The following TMC3 variants were observed in gnomAD, a reference collection of about 807,000 sequenced individuals.
The protein encoded by TMC3 is transmembrane channel like 3, also known as transmembrane channel-like protein 3.
In TMC3, 98 loss-of-function variants were observed where a neutral mutation model predicts 110.6. The observed-to-expected ratio is 0.89, with a 90% confidence interval of 0.75 to 1.05. TMC3 has a LOEUF of 1.05. Among genes scored for constraint, TMC3 ranks in the 50% least tolerant of loss-of-function variants. The pLI, the probability that TMC3 is intolerant of heterozygous loss-of-function variation, is 0.00. For synonymous variants in TMC3, 489 were observed against 513.1 expected (o/e 0.95, Z 0.63); for missense variants, 1,319 against 1,373.2 (o/e 0.96, Z 0.62).
Position 81,332,359 on chromosome 15 carries a change from T to C in TMC3, c.*60A>G. 1.3e-6 allele frequency: 2 copies of C among 1,513,934 alleles called. No individual in the cohort carries two copies. The highest frequency in any genetic ancestry group is 1.8e-6 in the Non-Finnish European group (2 of 1,130,274). The allele number at this position is 1,513,934 out of a possible 1,614,324, so 93.8% of individuals were successfully genotyped here. On this transcript the variant is annotated 3_prime_UTR_variant, in exon 22 of 22. Transcript: ENST00000359440. Reference sequence around the variant, plus strand: ...TCTTTTTCCAGAAAGGGAGATGCCATGTGCTGGCCCAGCACTCCAACAGGG... The same window carrying C: ...TCTTTTTCCAGAAAGGGAGATGCCACGTGCTGGCCCAGCACTCCAACAGGG...
Position 81,338,729 on chromosome 15 carries a change from A to G in TMC3, c.2007T>C (p.Phe669=), listed in dbSNP as rs1278683370. 2 of 1,614,000 alleles carry G rather than the reference A, an allele frequency of 1.2e-6. No homozygotes were observed. The highest frequency in any genetic ancestry group is 2.2e-5 in the East Asian group (1 of 44,888). Residue 669 remains phenylalanine, a synonymous_variant, in exon 18 of 22, where the codon TTT becomes TTC. Coordinates refer to ENST00000359440, the MANE Select transcript of TMC3 (RefSeq NM_001080532.3). Reference sequence around the variant, plus strand: ...CAACCACGGAGCCAAACCACACAGGAAAGTCTTTCTCAATCGTTTCTGACA... The same window carrying G: ...CAACCACGGAGCCAAACCACACAGGGAAGTCTTTCTCAATCGTTTCTGACA... ...DIVSETIEKD[F]PVWFGSVVGH...
intron 2 of TMC3, among the ~76,000 whole-genome samples, chr15:81,371,066 G>A (rs1056757512): frequency 1.3e-5 from 2 of 152,110 alleles, no homozygotes; most frequent in Non-Finnish European, 2.9e-5. Flanking sequence ...ACTGTACTTG[G>A]AATCAGAAAT....
intron 3 of TMC3, among the ~76,000 whole-genome samples, chr15:81,367,738 A>G (rs1330317610): frequency 6.6e-6 from 1 of 152,124 alleles, no homozygotes; most frequent in African/African-American, 2.4e-5. Context: ...GTTTCACACA[A>G]TTGGGAAGGG....
intron 15 of TMC3, 165 bp downstream of exon 15, chr15:81,343,113 A>G: frequency 2.1e-6 from 1 of 487,268 alleles, no homozygotes. Context: ...AATTCTTAGG[A>G]AACCATTAAT....
intron 16 of TMC3, among the ~76,000 whole-genome samples, chr15:81,340,143 AG>A: frequency 6.6e-6 from 1 of 152,324 alleles, no homozygotes; most frequent in South Asian, 2.1e-4. Flanking sequence ...TACACAGTTC[AG>A]AAAAGAGAAT....
chr15:81,343,391 T>G, intron 14 of TMC3, 46 bp from the exon 15 acceptor site: 2 of 1,340,968 alleles, frequency 1.5e-6, no homozygotes, highest in Non-Finnish European at 2.1e-6. Flanking sequence ...TCCAAAGTTC[T>G]TTGCATGAAC....
At chr15:81,353,098 A>G (rs2141710693) in intron 9 of TMC3, among the ~76,000 whole-genome samples, 1 of 152,328 alleles carries the variant, frequency 6.6e-6, no homozygotes, top group Admixed American at 6.5e-5. Context: ...CTGGGATTAC[A>G]GGTGTGTGCC....
At chr15:81,371,562 A>G (rs748772385) in intron 2 of TMC3, among the ~76,000 whole-genome samples, 3 of 152,176 alleles carry the variant, frequency 2.0e-5, no homozygotes, top group African/African-American at 4.8e-5. Context: ...CAGTAGCTCA[A>G]TGGTACAGGC....
chr15:81,340,562 G>A (rs1893693396), intron 16 of TMC3, among the ~76,000 whole-genome samples: 1 of 152,298 alleles, frequency 6.6e-6, no homozygotes, highest in African/African-American at 2.4e-5. Flanking sequence ...TTTAGAATGT[G>A]TTATGAATTC....
At position 81,343,287 on chromosome 15, in the gene TMC3, C is replaced by T. The variant is rs200789267; in HGVS notation, c.1706G>A (p.Gly569Glu). 1.9e-4 allele frequency: 298 copies of T among 1,604,516 alleles called. No homozygotes were observed. The highest frequency in any genetic ancestry group is 3.5e-4 in the Admixed American group (21 of 60,002). The change falls in exon 15 of 22, where the codon GGA (glycine) becomes GAA (glutamate). Residue 569 changes from glycine to glutamate, a missense_variant. Gly to Glu is a moderately conservative substitution (Grantham distance 98). Transcript: ENST00000359440. ...AAACTTTGATACCTACCAAATCATT[C>T]CTTGGTTGTAGACTAAATGTAGCAC... ...ENVLHLVYNQ[G>E]MIWMGAFFSP...
Position 81,344,866 on chromosome 15 carries a change from G to A in TMC3, c.1418C>T (p.Thr473Ile), listed in dbSNP as rs199835792. Residue 473 changes from threonine to isoleucine, a missense_variant, in exon 13 of 22, where the codon ACC (threonine) becomes ATC (isoleucine). Coordinates refer to ENST00000359440, the MANE Select transcript of TMC3 (RefSeq NM_001080532.3). ...AGGCATGGTATAAGCTGAAATGCTGGTCTCTTCCAAGGCCCATGTGTTGTT... is the reference window on the plus strand; with the variant it reads ...AGGCATGGTATAAGCTGAAATGCTGATCTCTTCCAAGGCCCATGTGTTGTT... ...RRNNTWALEE[T>I]SISAYTMPLI... is the part of the protein sequence containing the mutation. 2.6e-4 allele frequency: 424 copies of A among 1,613,956 alleles called. No individual in the cohort carries two copies. The highest frequency in any genetic ancestry group is 6.6e-4 in the Middle Eastern group (4 of 6,062).
chr15:81,358,190 C>G lies in TMC3; in HGVS notation c.702G>C (p.Gly234=). 1 of 1,610,904 alleles carries G rather than the reference C, an allele frequency of 6.2e-7. No individual in the cohort carries two copies. The highest frequency in any genetic ancestry group is 1.1e-5 in the South Asian group (1 of 90,412). ...TGAAGCTGTAAGCAAACACTGCCAT[C>G]CCCACTAGGAAATACGCCAAGGGCA... ...YRLPLAYFLV[G]MAVFAYSFII... is the part of the protein sequence containing the mutation. The change falls in exon 7 of 22, where the codon GGG becomes GGC. Residue 234 remains glycine, a synonymous_variant. Coordinates refer to ENST00000359440, the MANE Select transcript of TMC3 (RefSeq NM_001080532.3).
Position 81,332,776 on chromosome 15 carries a change from G to A in TMC3, c.2946C>T (p.Thr982=), listed in dbSNP as rs1426269112. The A allele has an allele frequency of 2.5e-6, 4 of 1,611,674 alleles. No individual in the cohort carries two copies. The highest frequency in any genetic ancestry group is 3.4e-6 in the Non-Finnish European group (4 of 1,178,956). The change falls in exon 22 of 22, where the codon ACC becomes ACT. Residue 982 remains threonine, a synonymous_variant. Coordinates refer to ENST00000359440, the MANE Select transcript of TMC3 (RefSeq NM_001080532.3). ...FYIGERSESQ[T]RDPEHQGRVH... is the part of the protein sequence containing the mutation. The stretch of plus-strand genomic sequence containing the variant: ...CCCTCCCCTGGTGCTCGGGATCCCG[G>A]GTCTGACTTTCGGACCTCTCCCCAA...
At chr15:81,346,883 A>G (rs1893839859) in intron 11 of TMC3, among the ~76,000 whole-genome samples, 1 of 152,214 alleles carries the variant, frequency 6.6e-6, no homozygotes, top group South Asian at 2.1e-4. Context: ...AGAGGGAGCT[A>G]AGTCACCAGC....
rs371289786 is a variant in TMC3 at position 81,372,349 on chromosome 15, G to GACACACACAC, written c.236+232_236+241dup. On this transcript the variant is annotated intron_variant, in intron 2 of 21. Transcript: ENST00000359440. ...TCTCTTTCTCTGTATCTGTCTCTCT[G>GACACACACAC]ACACACACACACACACACACACACA... 1.5e-3 allele frequency among the ~76,000 whole-genome samples: 178 copies of GACACACACAC among 116,848 alleles called. 1 individual carries two copies. The highest frequency in any genetic ancestry group is 5.9e-3 in the East Asian group (22 of 3,740). The allele number at this position is 116,848 out of a possible 152,430, so 76.7% of individuals were successfully genotyped here. A position where few individuals can be genotyped will look rare whatever the true frequency, so the allele number is the denominator to read the frequency against.
chr15:81,345,478 G>C (rs1893807002), intron 12 of TMC3, among the ~76,000 whole-genome samples: 1 of 152,146 alleles, frequency 6.6e-6, no homozygotes. Flanking sequence ...TTTGATGTTA[G>C]TGTGATATGC....
chr15:81,362,192 G>T (rs753758055), intron 4 of TMC3, 28 bp downstream of exon 4: 24 of 1,566,660 alleles, frequency 1.5e-5, no homozygotes, highest in Non-Finnish European at 1.8e-5. Context: ...TTGCATTCCT[G>T]CCCCACTCTC....
At chr15:81,336,577 AAAC>A (rs1567060824) in intron 20 of TMC3, 29 bp downstream of exon 20, 7 of 1,611,984 alleles carry the variant, frequency 4.3e-6, no homozygotes, top group African/African-American at 1.3e-5. Context: ...CAAAACAAAA[AAAC>A]AACAACAAAA....
At chr15:81,348,090 C>T (rs554178228) in intron 11 of TMC3, among the ~76,000 whole-genome samples, 34 of 152,348 alleles carry the variant, frequency 2.2e-4, no homozygotes, top group African/African-American at 6.3e-4. Context: ...ACCTGTTCAT[C>T]GCCGTATGGT....
Sources: allele counts gnomAD v4.1 joint callset (sites outside exome capture counted in the v4.1 genomes callset), GRCh38; gene constraint gnomAD v4.1.1; transcripts MANE v1.5; gene names NCBI Gene and HGNC (gene_info 2026-07-23, HGNC 2026-07-21).